Variants in MYOD1 observed in about 807,000 individuals in gnomAD.
MYOD1 encodes myoblast determination protein 1.
A neutral mutation model predicts 14.9 loss-of-function variants in MYOD1; 15 were observed. That is an observed-to-expected ratio of 1.01 (90% CI 0.67 to 1.55). The LOEUF is 1.55. MYOD1 is among the 40% of genes most tolerant of loss of function. The probability of loss-of-function intolerance (pLI) is 0.00; values close to 1 mark genes in which losing one functional copy is unlikely to be tolerated. For missense variants in MYOD1, 529 were observed against 482.6 expected (o/e 1.10, Z -0.90); for synonymous variants, 235 against 218.6 (o/e 1.07, Z -0.66).
At chr11:17,720,797 A>T (rs1284623006) in intron 1 of MYOD1, 105 bp from the exon 2 acceptor site, 2 of 1,282,558 alleles carry the variant, frequency 1.6e-6, no homozygotes, top group Admixed American at 2.1e-5. Context: ...CTGGGCCCGG[A>T]ACTAGAGCCT....
In MYOD1 at chr11:17,719,769, G is replaced by A. The variant is rs372327900; in HGVS notation, c.-14G>A. 18 of 1,605,658 alleles carry A rather than the reference G, an allele frequency of 1.1e-5. No individual in the cohort carries two copies. Among genetic ancestry groups the A allele is most frequent in the East Asian group, 4.5e-5 (2 of 44,752 alleles). On this transcript the variant is annotated 5_prime_UTR_variant, in exon 1 of 3. Transcript: ENST00000250003. ...TTGGGCGAAGCCAGGACCGTGCCGC[G>A]CCACCGCCAGGATATGGAGCTACTG...
Position 17,721,630 on chromosome 11 carries a change from A to G in MYOD1, c.*122A>G. The G allele has an allele frequency of 8.1e-7, 1 of 1,232,484 alleles. No individual in the cohort carries two copies. The allele number at this position is 1,232,484 out of a possible 1,614,324, so 76.3% of individuals were successfully genotyped here. ...TAAAAGCGACCTCTCTTGAGGTAGGAGAGGCGGGAGAACTGAAGTTTCCGC... is the reference window on the plus strand; with the variant it reads ...TAAAAGCGACCTCTCTTGAGGTAGGGGAGGCGGGAGAACTGAAGTTTCCGC... On this transcript the variant is annotated 3_prime_UTR_variant, in exon 3 of 3. Coordinates refer to ENST00000250003, the MANE Select transcript of MYOD1 (RefSeq NM_002478.5). The surrounding 1 kb of genome is among the most constrained non-coding windows in gnomAD (Gnocchi z 6.2).
Position 17,720,227 on chromosome 11 carries a change from A to T in MYOD1, c.445A>T (p.Ile149Phe). 3.1e-6 allele frequency: 5 copies of T among 1,608,928 alleles called. No homozygotes were observed. Among genetic ancestry groups the T allele is most frequent in the Non-Finnish European group, 4.2e-6 (5 of 1,178,454 alleles). The change falls in exon 1 of 3, where the codon ATC becomes TTC. Residue 149 changes from isoleucine to phenylalanine, a missense_variant. Physicochemically the swap from Ile to Phe is conservative, Grantham distance 21. Transcript: ENST00000250003. ...AAACCAGCGGTTGCCCAAGGTGGAGATCCTGCGCAACGCCATCCGCTATAT... is the reference window on the plus strand; with the variant it reads ...AAACCAGCGGTTGCCCAAGGTGGAGTTCCTGCGCAACGCCATCCGCTATAT... ...NPNQRLPKVE[I>F]LRNAIRYIEG...
chr11:17,720,211 G>C lies in MYOD1; in HGVS notation c.429G>C (p.Arg143=), dbSNP rs139401934. The C allele has an allele frequency of 6.2e-7, 1 of 1,609,304 alleles. No homozygotes were observed. Among genetic ancestry groups the C allele is most frequent in the Admixed American group, 1.7e-5 (1 of 59,540 alleles). ...GCACGTCGAGCAATCCAAACCAGCG[G>C]TTGCCCAAGGTGGAGATCCTGCGCA... ...KRCTSSNPNQ[R]LPKVEILRNA... Residue 143 remains arginine (R), a synonymous_variant, in exon 1 of 3, where the codon CGG becomes CGC. Transcript: ENST00000250003.
intron 1 of MYOD1, 133 bp from the exon 2 acceptor site, chr11:17,720,769 C>A: frequency 2.0e-6 from 2 of 995,076 alleles, no homozygotes; most frequent in East Asian, 2.5e-5. Context: ...CGTAATTACC[C>A]CCCCAACCAG....
At position 17,721,677 on chromosome 11, in the gene MYOD1, C is replaced by T. The variant is rs1848640261; in HGVS notation, c.*169C>T. The T allele has an allele frequency of 3.9e-6, 3 of 777,112 alleles. No homozygotes were observed. In the South Asian group the frequency reaches 7.5e-5, roughly 19 times the overall value. 48.1% of individuals were successfully genotyped at this position (777,112 alleles called of 1,614,324 possible). ...CCGCCCCCGCCCCACAGGGCAAGGACACAGCGCGGTTTTTTCCACGCAGCA... is the reference window on the plus strand; with the variant it reads ...CCGCCCCCGCCCCACAGGGCAAGGATACAGCGCGGTTTTTTCCACGCAGCA... On this transcript the variant is annotated 3_prime_UTR_variant, in exon 3 of 3. Coordinates refer to ENST00000250003, the MANE Select transcript of MYOD1 (RefSeq NM_002478.5). This position sits in a 1 kb window ranked among gnomAD's most constrained non-coding sequence, Gnocchi z 6.2.
chr11:17,720,320 G>T lies in MYOD1; in HGVS notation c.538G>T (p.Ala180Ser). ...CCCTGGCGCCGCAGCCGCCTTCTAT[G>T]CGCCGGGCCCGCTGCCCCCGGGCCG... ...APPGAAAAFYAPGPLPPGRGG... is the reference protein window; with the variant it reads ...APPGAAAAFYSPGPLPPGRGG... Residue 180 changes from alanine to serine, a missense_variant, in exon 1 of 3, where the codon GCG becomes TCG. By Grantham distance (99) the Ala-to-Ser change is moderately conservative. Transcript: ENST00000250003. 6.4e-7 allele frequency: 1 copy of T among 1,571,524 alleles called. No individual in the cohort carries two copies. The highest frequency in any genetic ancestry group is 8.6e-7 in the Non-Finnish European group (1 of 1,165,806).
Position 17,721,206 on chromosome 11 carries a change from G to A in MYOD1, c.710-49G>A, listed in dbSNP as rs1848633763. ...AAAGTACTGGGCCCGGGGGTGGGAGGCTTGTCGCGGCCCCACCCCTGCTTA... is the reference window on the plus strand; with the variant it reads ...AAAGTACTGGGCCCGGGGGTGGGAGACTTGTCGCGGCCCCACCCCTGCTTA... On this transcript the variant is annotated intron_variant, in intron 2 of 2. Coordinates refer to ENST00000250003, the MANE Select transcript of MYOD1 (RefSeq NM_002478.5). This position sits in a 1 kb window ranked among gnomAD's most constrained non-coding sequence, Gnocchi z 6.2. 2.0e-6 allele frequency: 3 copies of A among 1,468,798 alleles called. No homozygotes were observed. Among genetic ancestry groups the A allele is most frequent in the African/African-American group, 1.4e-5 (1 of 70,600 alleles). 91.0% of individuals were successfully genotyped at this position (1,468,798 alleles called of 1,614,324 possible).
chr11:17,720,229 C>G lies in MYOD1; in HGVS notation c.447C>G (p.Ile149Met), dbSNP rs1848622475. ...ACCAGCGGTTGCCCAAGGTGGAGATCCTGCGCAACGCCATCCGCTATATCG... is the reference window on the plus strand; with the variant it reads ...ACCAGCGGTTGCCCAAGGTGGAGATGCTGCGCAACGCCATCCGCTATATCG... ...NPNQRLPKVE[I>M]LRNAIRYIEG... Residue 149 changes from isoleucine (I) to methionine (M), a missense_variant, in exon 1 of 3, where the codon ATC becomes ATG. By Grantham distance (10) the Ile-to-Met change is conservative. Transcript: ENST00000250003. The G allele has an allele frequency of 6.2e-7, 1 of 1,608,952 alleles. No homozygotes were observed. The highest frequency in any genetic ancestry group is 8.5e-7 in the Non-Finnish European group (1 of 1,178,524).
In MYOD1 at chr11:17,721,329, G is replaced by C. The variant is rs930939009; in HGVS notation, c.784G>C (p.Glu262Gln). Residue 262 changes from glutamate to glutamine, a missense_variant, in exon 3 of 3, where the codon GAG becomes CAG. Physicochemically the swap from Glu to Gln is conservative, Grantham distance 29. Transcript: ENST00000250003. This position sits in a 1 kb window ranked among gnomAD's most constrained non-coding sequence, Gnocchi z 6.2. ...CAGCATCGTGGAGCGCATCTCCACC[G>C]AGAGCCCTGCGGCGCCCGCCCTCCT... ...LSSIVERIST[E>Q]SPAAPALLLA... 1.3e-6 allele frequency: 2 copies of C among 1,595,334 alleles called. No homozygotes were observed. Among genetic ancestry groups the C allele is most frequent in the Non-Finnish European group, 1.7e-6 (2 of 1,177,076 alleles).
chr11:17,721,385 G>A lies in MYOD1; in HGVS notation c.840G>A (p.Pro280=), dbSNP rs766804536. ...CGGACGTGCCTTCTGAGTCGCCTCC[G>A]CGCAGGCAAGAGGCTGCCGCCCCCA... ...LLADVPSESP[P]RRQEAAAPSE... is the part of the protein sequence containing the mutation. The change falls in exon 3 of 3, where the codon CCG becomes CCA. Residue 280 remains proline, a synonymous_variant. Coordinates refer to ENST00000250003, the MANE Select transcript of MYOD1 (RefSeq NM_002478.5). This position sits in a 1 kb window ranked among gnomAD's most constrained non-coding sequence, Gnocchi z 6.2. The A allele has an allele frequency of 3.3e-5, 53 of 1,596,362 alleles. No individual in the cohort carries two copies. The South Asian group carries it at 3.5e-4, about 11-fold the overall frequency.
chr11:17,719,585 C>T lies in MYOD1; in HGVS notation c.-198C>T, dbSNP rs1590083666. ...GGCGAGAAGCTAGGGGTGAGGAAGC[C>T]CTGGGGCGCTGCCGCCGCTTTCCTT... On this transcript the variant is annotated 5_prime_UTR_variant, in exon 1 of 3. Transcript: ENST00000250003. The T allele has an allele frequency of 2.9e-6, 2 of 685,906 alleles. No individual in the cohort carries two copies. The highest frequency in any genetic ancestry group is 2.8e-5 in the East Asian group (1 of 35,640). 42.5% of individuals were successfully genotyped at this position (685,906 alleles called of 1,614,324 possible).
Position 17,720,106 on chromosome 11 carries a change from C to T in MYOD1, c.324C>T (p.Ala108=). 1.3e-6 allele frequency: 2 copies of T among 1,579,268 alleles called. No individual in the cohort carries two copies. The highest frequency in any genetic ancestry group is 8.6e-7 in the Non-Finnish European group (1 of 1,162,724). The change falls in exon 1 of 3, where the codon GCC becomes GCT. Residue 108 remains alanine (A), a synonymous_variant. Coordinates refer to ENST00000250003, the MANE Select transcript of MYOD1 (RefSeq NM_002478.5). Reference sequence around the variant, plus strand: ...CGTGCAAGCGCAAGACCACCAACGCCGACCGCCGCAAGGCCGCCACCATGC... The same window carrying T: ...CGTGCAAGCGCAAGACCACCAACGCTGACCGCCGCAAGGCCGCCACCATGC... ...CKACKRKTTN[A]DRRKAATMRE...
chr11:17,721,469 T>A lies in MYOD1; in HGVS notation c.924T>A (p.Pro308=), dbSNP rs370292443. 5.6e-5 allele frequency: 89 copies of A among 1,588,032 alleles called. No homozygotes were observed. Among genetic ancestry groups the A allele is most frequent in the Non-Finnish European group, 7.5e-5 (88 of 1,173,174 alleles). The change falls in exon 3 of 3, where the codon CCT becomes CCA. Residue 308 remains proline, a synonymous_variant. Transcript: ENST00000250003. This position sits in a 1 kb window ranked among gnomAD's most constrained non-coding sequence, Gnocchi z 6.2. ...TQSPDAAPQC[P]AGANPNPIYQ... is the part of the protein sequence containing the mutation. Reference sequence around the variant, plus strand: ...CACCGGACGCCGCCCCGCAGTGCCCTGCGGGTGCGAACCCCAACCCGATAT... The same window carrying A: ...CACCGGACGCCGCCCCGCAGTGCCCAGCGGGTGCGAACCCCAACCCGATAT...
Position 17,720,049 on chromosome 11 carries a change from G to A in MYOD1, c.267G>A (p.Gln89=). Residue 89 remains glutamine, a synonymous_variant, in exon 1 of 3, where the codon CAG becomes CAA. Transcript: ENST00000250003. ...EHVRAPSGHH[Q]AGRCLLWACK... ...TGCGCGCGCCCAGCGGGCACCACCA[G>A]GCGGGCCGCTGCCTACTGTGGGCCT... 6.4e-7 allele frequency: 1 copy of A among 1,574,730 alleles called. No homozygotes were observed. Among genetic ancestry groups the A allele is most frequent in the South Asian group, 1.1e-5 (1 of 87,606 alleles).
rs2133765681 is a variant in MYOD1 at position 17,721,729 on chromosome 11, C to A, written c.*221C>A. 2.0e-6 allele frequency: 1 copy of A among 503,958 alleles called. No homozygotes were observed. Among genetic ancestry groups the A allele is most frequent in the Non-Finnish European group, 3.4e-6 (1 of 296,856 alleles). 31.2% of individuals were successfully genotyped at this position (503,958 alleles called of 1,614,324 possible). ...CCTTCTCGGAGACCCATTGCGATGG[C>A]CGCTCCGTGTTCCTCGGTGGGCCAG... On this transcript the variant is annotated 3_prime_UTR_variant, in exon 3 of 3. Transcript: ENST00000250003. The surrounding 1 kb of genome is among the most constrained non-coding windows in gnomAD (Gnocchi z 6.2).
rs369671991 is a variant in MYOD1 at position 17,719,892 on chromosome 11, C to G, written c.110C>G (p.Ser37Cys). 6 of 1,613,836 alleles carry G rather than the reference C, an allele frequency of 3.7e-6. No homozygotes were observed. Among genetic ancestry groups the G allele is most frequent in the Non-Finnish European group, 4.2e-6 (5 of 1,180,006 alleles). ...DDFYDDPCFD[S>C]PDLRFFEDLD... ...TTCTATGACGACCCGTGTTTCGACT[C>G]CCCGGACCTGCGCTTCTTCGAAGAC... The change falls in exon 1 of 3, where the codon TCC becomes TGC. Residue 37 changes from serine (S) to cysteine (C), a missense_variant. Coordinates refer to ENST00000250003, the MANE Select transcript of MYOD1 (RefSeq NM_002478.5).
rs117304631 is a variant in MYOD1, at chr11:17,722,121, G to T, written c.*613G>T. ...TCGCTCAGGTGATCAAAATAAAGGC[G>T]CTAATTTATACCGCCGTGGCTCCGG... On this transcript the variant is annotated 3_prime_UTR_variant, in exon 3 of 3. Transcript: ENST00000250003. 4 of 182,378 alleles carry T rather than the reference G, an allele frequency of 2.2e-5. No homozygotes were observed. Among genetic ancestry groups the T allele is most frequent in the African/African-American group, 9.4e-5 (4 of 42,472 alleles). 11.3% of individuals were successfully genotyped at this position (182,378 alleles called of 1,614,324 possible).
rs1848616908 is a variant in MYOD1, at chr11:17,719,738, C to T, written c.-45C>T. On this transcript the variant is annotated 5_prime_UTR_variant, in exon 1 of 3. Coordinates refer to ENST00000250003, the MANE Select transcript of MYOD1 (RefSeq NM_002478.5). Reference sequence around the variant, plus strand: ...AGAAAGTTCCGGCCACTCTCTGCCGCTTGGGTTGGGCGAAGCCAGGACCGT... The same window carrying T: ...AGAAAGTTCCGGCCACTCTCTGCCGTTTGGGTTGGGCGAAGCCAGGACCGT... The T allele has an allele frequency of 3.2e-6, 5 of 1,562,486 alleles. No individual in the cohort carries two copies. Among genetic ancestry groups the T allele is most frequent in the African/African-American group, 2.7e-5 (2 of 73,492 alleles).
Sources: gnomAD v4.1 joint callset for allele counts on GRCh38, gnomAD v4.1.1 for gene constraint, Gnocchi (gnomAD v3.1) non-coding constraint, MANE v1.5 for transcripts, NCBI Gene and HGNC (gene_info 2026-07-23, HGNC 2026-07-21) for gene names.